The following ARHGAP22 variants were observed in gnomAD, a reference collection of about 807,000 sequenced individuals.
ARHGAP22 encodes rho GTPase-activating protein 22.
In ARHGAP22, 48 loss-of-function variants were observed where a neutral mutation model predicts 59.1. That is an observed-to-expected ratio of 0.81 (90% CI 0.64 to 1.03). ARHGAP22 has a LOEUF of 1.03. Among genes scored for constraint, ARHGAP22 ranks in the 50% least tolerant of loss-of-function variants. The pLI is 0.00. For synonymous variants in ARHGAP22, 445 were observed against 416.4 expected (o/e 1.07, Z -0.84); for missense variants, 1,015 against 958.7 (o/e 1.06, Z -0.78).
At chr10:48,541,752 A>G (rs1002168624) in intron 3 of ARHGAP22, among the ~76,000 whole-genome samples, 1 of 152,232 alleles carries the variant, frequency 6.6e-6, no homozygotes, top group Admixed American at 6.5e-5. Context: ...TTGGTGGGAC[A>G]CTAAAGGCAC....
At chr10:48,612,152 T>C (rs2060919969) in intron 1 of ARHGAP22, among the ~76,000 whole-genome samples, 1 of 151,920 alleles carries the variant, frequency 6.6e-6, no homozygotes, top group Non-Finnish European at 1.5e-5. Context: ...CCATTTCCCC[T>C]CCTTTTGCAT....
intron 3 of ARHGAP22, among the ~76,000 whole-genome samples, chr10:48,541,088 C>T (rs2055886000): frequency 6.6e-6 from 1 of 152,070 alleles, no homozygotes; most frequent in Non-Finnish European, 1.5e-5. Flanking sequence ...CACCAAGCTC[C>T]CAGGTGATGC....
chr10:48,637,641 G>A (rs577907397), intron 1 of ARHGAP22, among the ~76,000 whole-genome samples: 19 of 152,122 alleles, frequency 1.2e-4, no homozygotes, highest in African/African-American at 4.6e-4. Context: ...TGAATAGATG[G>A]ATGGATAGAT....
At chr10:48,455,169 G>A in intron 5 of ARHGAP22, 35 bp from the exon 6 acceptor site, 3 of 1,570,368 alleles carry the variant, frequency 1.9e-6, no homozygotes, top group Non-Finnish European at 2.6e-6. Flanking sequence ...TGTGAGGCCT[G>A]GGATGCCAGG....
At chr10:48,581,725 C>A (rs2059131836) in intron 2 of ARHGAP22, among the ~76,000 whole-genome samples, 2 of 152,234 alleles carry the variant, frequency 1.3e-5, no homozygotes. Flanking sequence ...CCATTAAGTG[C>A]ATTCACGTTG....
chr10:48,481,038 G>A (rs1224083312), intron 3 of ARHGAP22, among the ~76,000 whole-genome samples: 1 of 152,270 alleles, frequency 6.6e-6, no homozygotes, highest in East Asian at 1.9e-4. Context: ...AGGGTGAGGA[G>A]CAGCCAGGGC....
intron 1 of ARHGAP22, among the ~76,000 whole-genome samples, chr10:48,594,570 T>C (rs867023379): frequency 1.3e-5 from 2 of 152,096 alleles, no homozygotes; most frequent in Admixed American, 6.5e-5. Flanking sequence ...CACCCCCAAA[T>C]GTGCTGTCCT....
intron 3 of ARHGAP22, among the ~76,000 whole-genome samples, chr10:48,502,726 C>G (rs889988268): frequency 1.1e-4 from 17 of 152,256 alleles, no homozygotes; most frequent in African/African-American, 3.9e-4. Flanking sequence ...CGTTGCCCTT[C>G]ATCCACTCCC....
chr10:48,618,464 G>A (rs563845671), intron 1 of ARHGAP22, among the ~76,000 whole-genome samples: 24 of 152,068 alleles, frequency 1.6e-4, no homozygotes, highest in South Asian at 1.0e-3. Flanking sequence ...CTAGCAAACC[G>A]AATCCAGCAG....
intron 4 of ARHGAP22, among the ~76,000 whole-genome samples, chr10:48,470,262 T>C (rs979555572): frequency 1.3e-5 from 2 of 152,218 alleles, no homozygotes; most frequent in African/African-American, 4.8e-5. Flanking sequence ...TGTTGAACGT[T>C]AGCGTCCTGA....
At chr10:48,509,532 A>G (rs556785196) in intron 3 of ARHGAP22, among the ~76,000 whole-genome samples, 14 of 152,342 alleles carry the variant, frequency 9.2e-5, no homozygotes, top group South Asian at 6.2e-4. Context: ...GCTCAAGTCG[A>G]AGGCGGGCCA....
At position 48,446,403 on chromosome 10, in the gene ARHGAP22, C is replaced by G; in HGVS notation, c.2085G>C (p.Arg695Ser). The G allele has an allele frequency of 6.2e-7, 1 of 1,614,106 alleles. No homozygotes were observed. Among genetic ancestry groups the G allele is most frequent in the Middle Eastern group, 1.6e-4 (1 of 6,062 alleles). Residue 695 changes from arginine to serine, a missense_variant, in exon 10 of 10, where the codon AGG becomes AGC. Transcript: ENST00000249601. The stretch of plus-strand genomic sequence containing the variant: ...TCTGCCATTCCTTTTACTTTGGGGC[C>G]CTGGCACCTTTTGCCCCAACAGTCA... ...GSLTVGAKGA[R>S]APK
chr10:48,500,890 CA>C (rs60056604), intron 3 of ARHGAP22, among the ~76,000 whole-genome samples: 1,332 of 86,576 alleles, frequency 0.015, 4 homozygotes, highest in Non-Finnish European at 0.021. Flanking sequence ...GACTCCGCCT[CA>C]AAAAAAAAAA....
At chr10:48,539,659 T>G (rs531944008) in intron 3 of ARHGAP22, among the ~76,000 whole-genome samples, 1 of 152,236 alleles carries the variant, frequency 6.6e-6, no homozygotes, top group South Asian at 2.1e-4. Context: ...TACTTTTTAT[T>G]TGAAATGTCT....
At chr10:48,593,302 G>T (rs1180385272) in intron 1 of ARHGAP22, among the ~76,000 whole-genome samples, 8 of 152,172 alleles carry the variant, frequency 5.3e-5, no homozygotes. Context: ...AAAGTAAGTT[G>T]CAGAACAATT....
chr10:48,478,740 A>G (rs571098586), intron 4 of ARHGAP22, among the ~76,000 whole-genome samples: 1 of 152,126 alleles, frequency 6.6e-6, no homozygotes, highest in East Asian at 1.9e-4. Context: ...GTCACCTTTC[A>G]TTTCTCTCAT....
chr10:48,584,234 CTG>C (rs1031123323), intron 1 of ARHGAP22, among the ~76,000 whole-genome samples: 5 of 152,236 alleles, frequency 3.3e-5, no homozygotes, highest in Non-Finnish European at 7.3e-5. Flanking sequence ...ATCTGTGATT[CTG>C]TGTGTGTGGG....
intron 3 of ARHGAP22, among the ~76,000 whole-genome samples, chr10:48,552,645 A>G (rs2056990122): frequency 6.6e-6 from 1 of 152,156 alleles, no homozygotes; most frequent in Non-Finnish European, 1.5e-5. Flanking sequence ...CAGGAAGAAA[A>G]TGTCCCCAGA....
At chr10:48,537,679 G>A (rs2055499457) in intron 3 of ARHGAP22, among the ~76,000 whole-genome samples, 1 of 152,246 alleles carries the variant, frequency 6.6e-6, no homozygotes, top group Non-Finnish European at 1.5e-5. Context: ...CAGGGGGGAA[G>A]CAGCAGGTCC....
Sources: allele counts gnomAD v4.1 joint callset (sites outside exome capture counted in the v4.1 genomes callset), GRCh38; gene constraint gnomAD v4.1.1; transcripts MANE v1.5; gene names NCBI Gene and HGNC (gene_info 2026-07-23, HGNC 2026-07-21).